CEND1: variants seen among roughly 807,000 people sequenced by gnomAD.
CEND1 encodes the protein cell cycle exit and neuronal differentiation protein 1.
In CEND1, 1 loss-of-function variant was observed where a neutral mutation model predicts 4.4. The ratio of observed to expected loss-of-function variants is 0.23; its 90% CI spans 0.08 to 1.09. CEND1 has a LOEUF of 1.09. Ranked by LOEUF, CEND1 falls within the 50% of genes least tolerant of loss-of-function variation. CEND1 has a pLI of 0.55. For synonymous variants in CEND1, 109 were observed against 93.0 expected (o/e 1.17, Z -0.99); for missense variants, 213 against 201.2 (o/e 1.06, Z -0.35).
rs1864363598 is a variant in CEND1 at position 787,167 on chromosome 11, C to T, written c.*960G>A. 6.6e-6 allele frequency: 1 copy of T among 152,430 alleles called. No homozygotes were observed. Among genetic ancestry groups the T allele is most frequent in the Non-Finnish European group, 1.5e-5 (1 of 68,084 alleles). 9.4% of individuals were successfully genotyped at this position (152,430 alleles called of 1,614,324 possible). On this transcript the variant is annotated 3_prime_UTR_variant, in exon 2 of 2. Coordinates refer to ENST00000330106, the MANE Select transcript of CEND1 (RefSeq NM_016564.4). The stretch of plus-strand genomic sequence containing the variant: ...CAGCCTCCACTCAGGCCCGGGGTTC[C>T]TGTGGCCACTGGCCAGTGAGGGCAG...
At chr11:788,684 C>G (rs954885764) in intron 1 of CEND1, 26 bp from the exon 2 acceptor site, 11 of 1,110,928 alleles carry the variant, frequency 9.9e-6, no homozygotes, top group Non-Finnish European at 1.3e-5. Context: ...AGGGAGGCTG[C>G]GCGCGGGTCC....
rs1017121467 is a variant in CEND1, at chr11:788,334, G to A, written c.243C>T (p.Ala81=). Reference sequence around the variant, plus strand: ...CATCGGGACTGCTGGGGACCGTGGGGGCTGGCTTCAGGTTGCTGTGGTTGT... The same window carrying A: ...CATCGGGACTGCTGGGGACCGTGGGAGCTGGCTTCAGGTTGCTGTGGTTGT... ...LLNNHSNLKP[A]PTVPSSPDAT... is the part of the protein sequence containing the mutation. Residue 81 remains alanine, a synonymous_variant, in exon 2 of 2, where the codon GCC becomes GCT. Coordinates refer to ENST00000330106, the MANE Select transcript of CEND1 (RefSeq NM_016564.4). 5 of 1,605,622 alleles carry A rather than the reference G, an allele frequency of 3.1e-6. No homozygotes were observed. The African/African-American group carries it at 6.7e-5, about 21-fold the overall frequency.
chr11:788,557 G>A lies in CEND1; in HGVS notation c.20C>T (p.Ser7Leu). ...GGTGTCGGGCTTGGGGCTGCTGGCT[G>A]ACTTCCCTCTGGACTCCATGGTGGG... is the stretch of plus-strand genomic sequence containing the variant. MESRGK[S>L]ASSPKPDTKV... Residue 7 changes from serine to leucine, a missense_variant, in exon 2 of 2, where the codon TCA becomes TTA. Ser to Leu is a moderately radical substitution (Grantham distance 145, BLOSUM62 -2). Coordinates refer to ENST00000330106, the MANE Select transcript of CEND1 (RefSeq NM_016564.4). 1 of 1,520,080 alleles carries A rather than the reference G, an allele frequency of 6.6e-7. No homozygotes were observed. Among genetic ancestry groups the A allele is most frequent in the South Asian group, 1.3e-5 (1 of 77,874 alleles). The allele number at this position is 1,520,080 out of a possible 1,614,324, so 94.2% of individuals were successfully genotyped here. A position where few individuals can be genotyped will look rare whatever the true frequency, so the allele number is the denominator to read the frequency against.
rs1247056658 is a variant in CEND1 at position 788,395 on chromosome 11, T to C, written c.182A>G (p.Lys61Arg). 3.1e-6 allele frequency: 5 copies of C among 1,593,374 alleles called. No homozygotes were observed. Among genetic ancestry groups the C allele is most frequent in the African/African-American group, 1.3e-5 (1 of 74,138 alleles). The change falls in exon 2 of 2, where the codon AAG (lysine) becomes AGG (arginine). Residue 61 changes from lysine to arginine, a missense_variant. Lys to Arg is a conservative substitution (Grantham distance 26). Transcript: ENST00000330106. ...AGGGTCGGCCTTGGCCGAGGTCTTCTTGGCAGGTGCCGTGGTGGGGGCTGC... is the reference window on the plus strand; with the variant it reads ...AGGGTCGGCCTTGGCCGAGGTCTTCCTGGCAGGTGCCGTGGTGGGGGCTGC... ...PPAAPTTAPAKKTSAKADPAL... is the reference protein window; with the variant it reads ...PPAAPTTAPARKTSAKADPAL...
chr11:789,663 G>A (rs1308475173), intron 1 of CEND1, among the ~76,000 whole-genome samples: 1 of 151,708 alleles, frequency 6.6e-6, no homozygotes, highest in East Asian at 1.9e-4. Context: ...CCCACCCCCC[G>A]CCAGGTGCAT....
At position 788,424 on chromosome 11, in the gene CEND1, C is replaced by T. The variant is rs767548322; in HGVS notation, c.153G>A (p.Pro51=). The T allele has an allele frequency of 4.4e-6, 7 of 1,583,446 alleles. No homozygotes were observed. The highest frequency in any genetic ancestry group is 4.3e-6 in the Non-Finnish European group (5 of 1,161,906). The change falls in exon 2 of 2, where the codon CCG becomes CCA. Residue 51 remains proline (P), a synonymous_variant. Coordinates refer to ENST00000330106, the MANE Select transcript of CEND1 (RefSeq NM_016564.4). ...KKEAPAEKQQ[P]PAAPTTAPAK... is the part of the protein sequence containing the mutation. ...CAGGTGCCGTGGTGGGGGCTGCTGG[C>T]GGCTGCTGCTTCTCGGCCGGGGCCT...
rs1864381192 is a variant in CEND1, at chr11:788,098, C to T, written c.*29G>A. 2.0e-6 allele frequency: 3 copies of T among 1,486,486 alleles called. No individual in the cohort carries two copies. Among genetic ancestry groups the T allele is most frequent in the Admixed American group, 4.7e-5 (2 of 42,438 alleles). 92.1% of individuals were successfully genotyped at this position (1,486,486 alleles called of 1,614,324 possible). On this transcript the variant is annotated 3_prime_UTR_variant, in exon 2 of 2. Coordinates refer to ENST00000330106, the MANE Select transcript of CEND1 (RefSeq NM_016564.4). Reference sequence around the variant, plus strand: ...TTCCTCGGGTCTGTACAGGAAGTGGCTCCGTGCCCCCCGCCTGGCCCCCAG... The same window carrying T: ...TTCCTCGGGTCTGTACAGGAAGTGGTTCCGTGCCCCCCGCCTGGCCCCCAG...
Position 787,295 on chromosome 11 carries a change from G to C in CEND1, c.*832C>G, listed in dbSNP as rs1257641245. The C allele has an allele frequency of 1.3e-5, 2 of 152,802 alleles. No homozygotes were observed. The highest frequency in any genetic ancestry group is 2.9e-5 in the Non-Finnish European group (2 of 68,232). 9.5% of individuals were successfully genotyped at this position (152,802 alleles called of 1,614,324 possible). A position where few individuals can be genotyped will look rare whatever the true frequency, so the allele number is the denominator to read the frequency against. Reference sequence around the variant, plus strand: ...GATGTGCTAAGGAGGGGCTGCACGAGGGGCTTCCCCAGGTGCAGTGGGCTG... The same window carrying C: ...GATGTGCTAAGGAGGGGCTGCACGACGGGCTTCCCCAGGTGCAGTGGGCTG... On this transcript the variant is annotated 3_prime_UTR_variant, in exon 2 of 2. Coordinates refer to ENST00000330106, the MANE Select transcript of CEND1 (RefSeq NM_016564.4).
chr11:788,969 C>A (rs1199646145), intron 1 of CEND1, among the ~76,000 whole-genome samples: 1 of 152,190 alleles, frequency 6.6e-6, no homozygotes, highest in Non-Finnish European at 1.5e-5. Context: ...GGGCAGGAGG[C>A]TCTTGGTGGG....
chr11:787,211 C>T lies in CEND1; in HGVS notation c.*916G>A, dbSNP rs1864364094. ...AGGGCAGGCCACGTTCTCACAGTGC[C>T]CACCACCACCTTCTGGGAGTTCGCC... is the stretch of plus-strand genomic sequence containing the variant. On this transcript the variant is annotated 3_prime_UTR_variant, in exon 2 of 2. Transcript: ENST00000330106. 6.6e-6 allele frequency: 1 copy of T among 152,552 alleles called. No individual in the cohort carries two copies. The highest frequency in any genetic ancestry group is 1.5e-5 in the Non-Finnish European group (1 of 68,126). The allele number at this position is 152,552 out of a possible 1,614,324, so 9.4% of individuals were successfully genotyped here. A position where few individuals can be genotyped will look rare whatever the true frequency, so the allele number is the denominator to read the frequency against.
Position 788,354 on chromosome 11 carries a change from G to A in CEND1, c.223C>T (p.His75Tyr). ...AKADPALLNN[H>Y]SNLKPAPTVP... ...GTGGGGGCTGGCTTCAGGTTGCTGT[G>A]GTTGTTGAGAAGGGCAGGGTCGGCC... Residue 75 changes from histidine to tyrosine, a missense_variant, in exon 2 of 2, where the codon CAC becomes TAC. By Grantham distance (83) the His-to-Tyr change is moderately conservative (BLOSUM62 2). Coordinates refer to ENST00000330106, the MANE Select transcript of CEND1 (RefSeq NM_016564.4). 1 of 1,602,796 alleles carries A rather than the reference G, an allele frequency of 6.2e-7. No individual in the cohort carries two copies. Among genetic ancestry groups the A allele is most frequent in the Non-Finnish European group, 8.5e-7 (1 of 1,171,874 alleles).
chr11:789,862 A>C (rs547683764), intron 1 of CEND1, among the ~76,000 whole-genome samples, 168 bp downstream of exon 1: 3 of 152,208 alleles, frequency 2.0e-5, no homozygotes, highest in East Asian at 3.9e-4. Flanking sequence ...TATTTGTGGC[A>C]CTTACATCCC....
At position 788,674 on chromosome 11, in the gene CEND1, A is replaced by G. The variant is rs988284545; in HGVS notation, c.-82-16T>C. The G allele has an allele frequency of 1.6e-6, 2 of 1,228,910 alleles. No homozygotes were observed. Among genetic ancestry groups the G allele is most frequent in the African/African-American group, 1.5e-5 (1 of 66,856 alleles). The allele number at this position is 1,228,910 out of a possible 1,614,324, so 76.1% of individuals were successfully genotyped here. ...TTCTATGGGCCTGGAGGGAGACACA[A>G]GGGAGGCTGCGCGCGGGTCCAGTCC... On this transcript the variant is annotated splice_polypyrimidine_tract_variant and intron_variant, in intron 1 of 1. Transcript: ENST00000330106.
chr11:788,163 C>T lies in CEND1; in HGVS notation c.414G>A (p.Leu138=). The change falls in exon 2 of 2, where the codon CTG becomes CTA. Residue 138 remains leucine, a synonymous_variant. Transcript: ENST00000330106. ...AGGVAVAAIA[L]ILGVAFLVRK... ...GGACCAGGAAGGCCACACCGAGAATCAGGGCTATGGCTGCCACGGCCACAC... is the reference window on the plus strand; with the variant it reads ...GGACCAGGAAGGCCACACCGAGAATTAGGGCTATGGCTGCCACGGCCACAC... The T allele has an allele frequency of 6.3e-7, 1 of 1,586,298 alleles. No individual in the cohort carries two copies. Among genetic ancestry groups the T allele is most frequent in the Non-Finnish European group, 8.5e-7 (1 of 1,171,612 alleles).
At chr11:789,414 C>T (rs1864410725) in intron 1 of CEND1, among the ~76,000 whole-genome samples, 2 of 152,194 alleles carry the variant, frequency 1.3e-5, no homozygotes, top group African/African-American at 4.8e-5. Flanking sequence ...TGGCGTTAAA[C>T]AGGGTGGGCA....
At chr11:789,938 C>T (rs1225245906) in intron 1 of CEND1, 92 bp downstream of exon 1, 1 of 153,008 alleles carries the variant, frequency 6.5e-6, no homozygotes, top group Non-Finnish European at 1.5e-5. Flanking sequence ...CGCGCAAACC[C>T]AGTGACCTTC....
In CEND1 at chr11:787,974, G is replaced by A; in HGVS notation, c.*153C>T. ...CCTGGGTCAGCAGGGGTGGGCTCGG[G>A]CGTCCTCTTCACCGTGCGCGTGTGT... On this transcript the variant is annotated 3_prime_UTR_variant, in exon 2 of 2. Coordinates refer to ENST00000330106, the MANE Select transcript of CEND1 (RefSeq NM_016564.4). 1.8e-6 allele frequency: 1 copy of A among 555,238 alleles called. No individual in the cohort carries two copies. Among genetic ancestry groups the A allele is most frequent in the Non-Finnish European group, 2.9e-6 (1 of 350,856 alleles). 34.4% of individuals were successfully genotyped at this position (555,238 alleles called of 1,614,324 possible).
At chr11:789,406 G>A (rs1268404259) in intron 1 of CEND1, among the ~76,000 whole-genome samples, 1 of 152,220 alleles carries the variant, frequency 6.6e-6, no homozygotes, top group Non-Finnish European at 1.5e-5. Context: ...AGGGTTCCTG[G>A]CGTTAAACAG....
rs1332049550 is a variant in CEND1, at chr11:788,171, T to TGGCTGCCACGGCCAC, written c.391_405dup (p.Val131_Ala135dup). ...AAGGCCACACCGAGAATCAGGGCTA[T>TGGCTGCCACGGCCAC]GGCTGCCACGGCCACACCCCCAGCC... On this transcript the variant is annotated inframe_insertion, in exon 2 of 2. Coordinates refer to ENST00000330106, the MANE Select transcript of CEND1 (RefSeq NM_016564.4). 2 of 1,599,082 alleles carry TGGCTGCCACGGCCAC rather than the reference T, an allele frequency of 1.3e-6. No individual in the cohort carries two copies. The highest frequency in any genetic ancestry group is 1.7e-5 in the Admixed American group (1 of 57,856).
Sources: allele counts gnomAD v4.1 joint callset (sites outside exome capture counted in the v4.1 genomes callset), GRCh38; gene constraint gnomAD v4.1.1; transcripts MANE v1.5; gene names NCBI Gene and HGNC (gene_info 2026-07-23, HGNC 2026-07-21).